The following CAST variants were observed in gnomAD, a reference collection of about 807,000 sequenced individuals.
The protein encoded by CAST is calpastatin.
CAST carries 76 observed loss-of-function variants against 119.6 expected under a neutral mutation model. The observed-to-expected ratio is 0.64, with a 90% CI of 0.53 to 0.77. The LOEUF is 0.77. Ranked by LOEUF, CAST falls within the 30% of genes least tolerant of loss-of-function variation. CAST has a pLI of 0.00. For missense variants in CAST, 953 were observed against 946.5 expected (o/e 1.01, Z -0.09); for synonymous variants, 319 against 331.6 (o/e 0.96, Z 0.41).
intron 1 of CAST, among the ~76,000 whole-genome samples, chr5:96,535,466 G>A (rs528643847): frequency 4.2e-4 from 64 of 151,992 alleles, no homozygotes; most frequent in African/African-American, 1.5e-3. Context: ...AGAAAATATT[G>A]CCTCTGGGGA....
the CAST span, among the ~76,000 whole-genome samples, chr5:96,311,005 T>C: frequency 6.6e-6 from 1 of 152,068 alleles, no homozygotes. Context: ...TTCTATTTCC[T>C]TGGGGCACAA....
chr5:96,596,812 G>C (rs1006230235), intron 1 of CAST, among the ~76,000 whole-genome samples: 2 of 152,342 alleles, frequency 1.3e-5, no homozygotes, highest in Middle Eastern at 3.4e-3. Context: ...GGAAGTCTGA[G>C]ACGAAGGTGC....
At chr5:96,410,970 C>T in the CAST span, 1 of 1,613,134 alleles carries the variant, frequency 6.2e-7, no homozygotes, top group Non-Finnish European at 8.5e-7. Flanking sequence ...GAAGATGGAC[C>T]CCTTCCCCTG....
intron 16 of CAST, among the ~76,000 whole-genome samples, chr5:96,743,323 C>G (rs26504): frequency 0.68 from 103,906 of 152,066 alleles, 35,865 homozygotes; most frequent in Admixed American, 0.77. Flanking sequence ...ATCTGGTGTA[C>G]GAAAGTTTTA....
At chr5:96,335,962 T>G in the CAST span, among the ~76,000 whole-genome samples, 2 of 152,156 alleles carry the variant, frequency 1.3e-5, no homozygotes, top group African/African-American at 4.8e-5. Flanking sequence ...AAATGCACCT[T>G]CTTTTAACTG....
At chr5:96,420,604 G>A in the CAST span, among the ~76,000 whole-genome samples, 16 of 152,100 alleles carry the variant, frequency 1.1e-4, no homozygotes, top group Admixed American at 5.2e-4. Flanking sequence ...AGAAGTTGAG[G>A]CCAAGTCCAT....
chr5:96,494,816 T>A, the CAST span, among the ~76,000 whole-genome samples: 1 of 152,158 alleles, frequency 6.6e-6, no homozygotes, highest in African/African-American at 2.4e-5. Context: ...CTAAATATTC[T>A]GTTATATTAA....
At chr5:96,474,161 G>A in the CAST span, among the ~76,000 whole-genome samples, 1 of 152,172 alleles carries the variant, frequency 6.6e-6, no homozygotes, top group Admixed American at 6.5e-5. Flanking sequence ...AGCAGAAAAT[G>A]AGAGTGTTAA....
chr5:96,557,705 C>T (rs1746272215), intron 1 of CAST, among the ~76,000 whole-genome samples: 1 of 152,262 alleles, frequency 6.6e-6, no homozygotes, highest in African/African-American at 2.4e-5. Flanking sequence ...ATTCATAAAC[C>T]AAGTCCTTAG....
At chr5:96,434,610 T>G in the CAST span, among the ~76,000 whole-genome samples, 342 of 97,182 alleles carry the variant, frequency 3.5e-3, no homozygotes, top group African/African-American at 0.014. Context: ...GAAGTTTGTT[T>G]TTTTTTTTGT....
chr5:96,677,445 A>G (rs1380810671), intron 2 of CAST, among the ~76,000 whole-genome samples: 1 of 152,232 alleles, frequency 6.6e-6, no homozygotes, highest in Non-Finnish European at 1.5e-5. Flanking sequence ...CTGGATTATA[A>G]TGTCTCTCAT....
At chr5:96,770,452 G>T (rs1056697617) in intron 29 of CAST, 79 bp from the exon 30 acceptor site, 4 of 865,632 alleles carry the variant, frequency 4.6e-6, no homozygotes, top group Non-Finnish European at 7.9e-6. Flanking sequence ...GAATGGTCTG[G>T]ATTAATTTAA....
the CAST span, among the ~76,000 whole-genome samples, chr5:96,443,898 A>G: frequency 2.0e-5 from 3 of 152,220 alleles, no homozygotes; most frequent in African/African-American, 7.2e-5. Flanking sequence ...ATATTAATCT[A>G]GCATTTCTTC....
intron 1 of CAST, among the ~76,000 whole-genome samples, chr5:96,572,501 C>A (rs1746589273): frequency 6.7e-6 from 1 of 149,670 alleles, no homozygotes; most frequent in African/African-American, 2.5e-5. Context: ...GCACCCTGTC[C>A]CAACTTGTGC....
the CAST span, among the ~76,000 whole-genome samples, chr5:96,364,466 G>T: frequency 6.6e-6 from 1 of 152,068 alleles, no homozygotes; most frequent in Non-Finnish European, 1.5e-5. Context: ...ACTTTTTTTG[G>T]TTGGTAGGCT....
At chr5:96,168,624 G>A in the CAST span, among the ~76,000 whole-genome samples, 6 of 152,236 alleles carry the variant, frequency 3.9e-5, no homozygotes, top group South Asian at 2.1e-4. Context: ...TAGGCCTGGT[G>A]GAACTGCCAT....
At chr5:96,612,479 A>G (rs996423437) in intron 1 of CAST, among the ~76,000 whole-genome samples, 10 of 152,204 alleles carry the variant, frequency 6.6e-5, no homozygotes, top group Admixed American at 1.3e-4. Flanking sequence ...ACTGGGTACT[A>G]TGTTCACTCT....
At chr5:96,218,825 G>T in the CAST span, among the ~76,000 whole-genome samples, 1 of 152,162 alleles carries the variant, frequency 6.6e-6, no homozygotes, top group African/African-American at 2.4e-5. Context: ...ACAGCAGGCC[G>T]GGAGAACACA....
At chr5:96,243,302 A>G in the CAST span, among the ~76,000 whole-genome samples, 5 of 137,936 alleles carry the variant, frequency 3.6e-5, no homozygotes, top group Admixed American at 1.5e-4. Flanking sequence ...AAGCAAATCA[A>G]TAGAGAATTT....
Sources: gnomAD v4.1 joint callset for allele counts (sites outside exome capture counted in the v4.1 genomes callset) on GRCh38, gnomAD v4.1.1 for gene constraint, MANE v1.5 for transcripts, NCBI Gene and HGNC (gene_info 2026-07-23, HGNC 2026-07-21) for gene names.